Variants in KHDRBS2 observed in about 807,000 individuals in gnomAD.
KHDRBS2 encodes the protein KH domain-containing, RNA-binding, signal transduction-associated protein 2.
KHDRBS2 carries 26 observed loss-of-function variants against 44.3 expected under a neutral mutation model. That is an observed-to-expected ratio of 0.59 (90% CI 0.43 to 0.81). KHDRBS2 has a LOEUF of 0.81. Ranked by LOEUF, KHDRBS2 falls within the 40% of genes least tolerant of loss-of-function variation. The probability of loss-of-function intolerance (pLI) is 0.00; values close to 1 mark genes in which losing one functional copy is unlikely to be tolerated. For synonymous variants in KHDRBS2, 194 were observed against 151.1 expected (o/e 1.28, Z -2.08); for missense variants, 476 against 433.1 (o/e 1.10, Z -0.88).
intron 6 of KHDRBS2, among the ~76,000 whole-genome samples, chr6:61,795,327 A>C (rs1400894668): frequency 6.6e-6 from 1 of 152,138 alleles, no homozygotes. Context: ...ACAATTCAGC[A>C]AAAACCCAAC....
chr6:61,856,607 A>G (rs1258180850), intron 6 of KHDRBS2, among the ~76,000 whole-genome samples: 2 of 151,294 alleles, frequency 1.3e-5, no homozygotes, highest in African/African-American at 4.9e-5. Context: ...GATAAGTTTT[A>G]TTTTGCAGAG....
At chr6:62,105,692 C>T (rs905809901) in intron 2 of KHDRBS2, among the ~76,000 whole-genome samples, 5 of 151,928 alleles carry the variant, frequency 3.3e-5, no homozygotes, top group South Asian at 2.1e-4. Context: ...GTCTTGCTAG[C>T]GGTCTATCAA....
intron 4 of KHDRBS2, 148 bp from the exon 5 acceptor site, chr6:61,901,519 A>G (rs1280716412): frequency 3.1e-6 from 2 of 635,134 alleles, no homozygotes; most frequent in East Asian, 2.8e-5. Flanking sequence ...ATATAAAATG[A>G]TATTAAAAAG....
At chr6:62,112,092 T>A (rs546903862) in intron 2 of KHDRBS2, among the ~76,000 whole-genome samples, 2 of 152,212 alleles carry the variant, frequency 1.3e-5, no homozygotes, top group South Asian at 2.1e-4. Context: ...AGTTCATACT[T>A]CTAAGTATAA....
chr6:61,589,072 T>G, the KHDRBS2 span, among the ~76,000 whole-genome samples: 3 of 147,154 alleles, frequency 2.0e-5, no homozygotes, highest in East Asian at 2.0e-4. Flanking sequence ...TGTCAGGGGG[T>G]GGGGGTAGGG....
intron 2 of KHDRBS2, among the ~76,000 whole-genome samples, chr6:62,158,552 C>G (rs1406069360): frequency 6.6e-6 from 1 of 152,124 alleles, no homozygotes; most frequent in Non-Finnish European, 1.5e-5. Flanking sequence ...TCATTAGCAT[C>G]TCAAAAACTC....
At chr6:61,622,601 G>A in the KHDRBS2 span, among the ~76,000 whole-genome samples, 1 of 152,148 alleles carries the variant, frequency 6.6e-6, no homozygotes, top group African/African-American at 2.4e-5. Context: ...AGACCATAGG[G>A]GATAATGCAA....
rs1829867475 is a variant in KHDRBS2 at position 62,215,701 on chromosome 6, T to G, written c.92-38389A>C. Reference sequence around the variant, plus strand: ...CGGAATAAACAATGTTTTTATAATTTTGGTTTCATAACTCCAGAATACCAG... The same window carrying G: ...CGGAATAAACAATGTTTTTATAATTGTGGTTTCATAACTCCAGAATACCAG... On this transcript the variant is annotated intron_variant, in intron 1 of 8. Transcript: ENST00000281156. Among the ~76,000 whole-genome samples, 2 of 151,870 alleles carry G rather than the reference T, an allele frequency of 1.3e-5. 1 individual carries two copies. Among genetic ancestry groups the G allele is most frequent in the Non-Finnish European group, 2.9e-5 (2 of 67,850 alleles).
intron 3 of KHDRBS2, among the ~76,000 whole-genome samples, chr6:62,029,812 T>C (rs1191471123): frequency 6.6e-6 from 1 of 152,052 alleles, no homozygotes; most frequent in African/African-American, 2.4e-5. Context: ...AATGGATGGA[T>C]TTTAATGCCA....
chr6:61,551,682 G>A, the KHDRBS2 span, among the ~76,000 whole-genome samples: 3 of 152,054 alleles, frequency 2.0e-5, no homozygotes, highest in Non-Finnish European at 4.4e-5. Context: ...TAGGTGTGCA[G>A]CATTATTTCT....
intron 3 of KHDRBS2, among the ~76,000 whole-genome samples, chr6:62,040,259 GCACACA>G (rs1329785670): frequency 2.0e-5 from 3 of 151,382 alleles, no homozygotes; most frequent in African/African-American, 2.4e-5. Flanking sequence ...GCACGCACAC[GCACACA>G]CACACCCGTC....
intron 3 of KHDRBS2, among the ~76,000 whole-genome samples, chr6:61,985,973 C>G (rs1282004018): frequency 6.6e-6 from 1 of 151,700 alleles, no homozygotes; most frequent in East Asian, 1.9e-4. Context: ...TTTATAGAAC[C>G]ATAGAAACAT....
intron 6 of KHDRBS2, among the ~76,000 whole-genome samples, chr6:61,795,745 T>C (rs1785254179): frequency 6.6e-6 from 1 of 152,192 alleles, no homozygotes; most frequent in Admixed American, 6.5e-5. Context: ...TTCTTCTTGT[T>C]GCAGAGTATA....
At position 62,081,901 on chromosome 6, in the gene KHDRBS2, G is replaced by A. The variant is rs180961649; in HGVS notation, c.220-33907C>T. On this transcript the variant is annotated intron_variant, in intron 2 of 8. Coordinates refer to ENST00000281156, the MANE Select transcript of KHDRBS2 (RefSeq NM_152688.4). ...AAAGTCACCTACTCTTCTTCCTGTAGCCTCTGAAAAGTCAGATTTAAGTAT... is the reference window on the plus strand; with the variant it reads ...AAAGTCACCTACTCTTCTTCCTGTAACCTCTGAAAAGTCAGATTTAAGTAT... 3.8e-3 allele frequency among the ~76,000 whole-genome samples: 584 copies of A among 151,916 alleles called. 2 individuals carry two copies. Among genetic ancestry groups the A allele is most frequent in the African/African-American group, 0.014 (565 of 41,472 alleles).
intron 1 of KHDRBS2, among the ~76,000 whole-genome samples, chr6:62,200,748 G>C (rs1483933384): frequency 1.3e-5 from 2 of 152,116 alleles, no homozygotes; most frequent in African/African-American, 4.8e-5. Context: ...TATACCCAAA[G>C]GATTATAAAT....
At chr6:61,797,103 A>T (rs368528442) in intron 6 of KHDRBS2, among the ~76,000 whole-genome samples, 1 of 152,142 alleles carries the variant, frequency 6.6e-6, no homozygotes. Context: ...TAAGAAAAAA[A>T]TAAAAAAATA....
At chr6:61,954,062 G>A (rs941048579) in intron 4 of KHDRBS2, among the ~76,000 whole-genome samples, 6 of 152,114 alleles carry the variant, frequency 3.9e-5, no homozygotes, top group African/African-American at 1.4e-4. Flanking sequence ...CTGTCAAATA[G>A]TAACAGAGAA....
At chr6:61,904,911 A>G (rs1804687169) in intron 4 of KHDRBS2, among the ~76,000 whole-genome samples, 1 of 152,192 alleles carries the variant, frequency 6.6e-6, no homozygotes, top group Non-Finnish European at 1.5e-5. Flanking sequence ...TGCTGATAAA[A>G]TCAAGTTCCT....
chr6:62,155,440 C>T (rs367653652), intron 2 of KHDRBS2, among the ~76,000 whole-genome samples: 2 of 152,072 alleles, frequency 1.3e-5, no homozygotes, highest in East Asian at 1.9e-4. Flanking sequence ...GGAAAAGATA[C>T]AAGTTTAGGA....
Sources: allele counts gnomAD v4.1 joint callset (sites outside exome capture counted in the v4.1 genomes callset), GRCh38; gene constraint gnomAD v4.1.1; transcripts MANE v1.5; gene names NCBI Gene and HGNC (gene_info 2026-07-23, HGNC 2026-07-21).